PARD3: variants seen among roughly 807,000 people sequenced by gnomAD.
PARD3 encodes partitioning defective 3 homolog.
In PARD3, 75 loss-of-function variants were observed where a neutral mutation model predicts 155.4. The observed-to-expected ratio is 0.48, with a 90% confidence interval of 0.40 to 0.58. The LOEUF is 0.58. Among genes scored for constraint, PARD3 ranks in the 20% least tolerant of loss-of-function variants. The pLI, the probability that PARD3 is intolerant of heterozygous loss-of-function variation, is 0.00. For synonymous variants in PARD3, 576 were observed against 610.5 expected (o/e 0.94, Z 0.83); for missense variants, 1,642 against 1,721.7 (o/e 0.95, Z 0.82).
At chr10:34,489,060 G>A (rs2079688814) in intron 3 of PARD3, among the ~76,000 whole-genome samples, 1 of 152,306 alleles carries the variant, frequency 6.6e-6, no homozygotes, top group East Asian at 1.9e-4. Context: ...ATCTACAGCT[G>A]GGCGCAATGG....
chr10:34,810,189 G>A (rs752629493), intron 1 of PARD3, among the ~76,000 whole-genome samples: 3 of 151,970 alleles, frequency 2.0e-5, no homozygotes, highest in Non-Finnish European at 4.4e-5. Flanking sequence ...CGCCACACCT[G>A]GAAAATTCCA....
At chr10:34,210,318 T>G (rs1951682568) in intron 22 of PARD3, among the ~76,000 whole-genome samples, 2 of 152,196 alleles carry the variant, frequency 1.3e-5, no homozygotes, top group African/African-American at 4.8e-5. Flanking sequence ...TCAGTAAGCT[T>G]GTGGTTTAAT....
chr10:34,227,649 A>T (rs1365138065), intron 22 of PARD3, among the ~76,000 whole-genome samples: 2 of 151,918 alleles, frequency 1.3e-5, no homozygotes, highest in Admixed American at 1.3e-4. Context: ...TAAATAAATA[A>T]ATACATACAT....
chr10:34,684,510 C>T (rs2093907115), intron 2 of PARD3, among the ~76,000 whole-genome samples: 1 of 152,048 alleles, frequency 6.6e-6, no homozygotes, highest in Non-Finnish European at 1.5e-5. Context: ...TCGCAGCAGT[C>T]CCTACCTTGG....
At chr10:34,447,261 C>T (rs1343317713) in intron 5 of PARD3, among the ~76,000 whole-genome samples, 1 of 151,968 alleles carries the variant, frequency 6.6e-6, no homozygotes, top group Non-Finnish European at 1.5e-5. Context: ...AGGTGTATCA[C>T]TTGAGGTCAG....
At chr10:34,762,290 CAGAGAG>C (rs112792993) in intron 1 of PARD3, among the ~76,000 whole-genome samples, 5 of 145,478 alleles carry the variant, frequency 3.4e-5, no homozygotes, top group African/African-American at 1.0e-4. Context: ...GACAGAGAGA[CAGAGAG>C]AGAGAGAGAG....
intron 2 of PARD3, among the ~76,000 whole-genome samples, chr10:34,550,102 A>G (rs1462985394): frequency 6.6e-6 from 1 of 152,184 alleles, no homozygotes; most frequent in African/African-American, 2.4e-5. Context: ...CCACTGGTTG[A>G]TTCTTTCACA....
intron 14 of PARD3, among the ~76,000 whole-genome samples, chr10:34,355,753 C>G (rs1238225208): frequency 6.6e-6 from 1 of 151,508 alleles, no homozygotes; most frequent in African/African-American, 2.4e-5. Context: ...ATGGTGAAAC[C>G]CCATCTCTAC....
At chr10:34,505,109 A>G (rs1430370233) in intron 3 of PARD3, among the ~76,000 whole-genome samples, 1 of 152,208 alleles carries the variant, frequency 6.6e-6, no homozygotes, top group Non-Finnish European at 1.5e-5. Context: ...ACTTTCAGGC[A>G]ATTATTTTCT....
chr10:34,414,447 G>A (rs1039788042), intron 5 of PARD3, among the ~76,000 whole-genome samples: 10 of 152,058 alleles, frequency 6.6e-5, no homozygotes, highest in Non-Finnish European at 1.2e-4. Context: ...TGAGAAGTTG[G>A]AAAGGATCAG....
chr10:34,705,740 C>G (rs1346482155), intron 1 of PARD3, among the ~76,000 whole-genome samples: 1 of 152,158 alleles, frequency 6.6e-6, no homozygotes, highest in Non-Finnish European at 1.5e-5. Flanking sequence ...AAACCACACC[C>G]AATACCAATG....
chr10:34,212,013 G>A (rs1179176945), intron 22 of PARD3, among the ~76,000 whole-genome samples: 2 of 128,592 alleles, frequency 1.6e-5, no homozygotes, highest in African/African-American at 3.4e-5. Flanking sequence ...GAATCTCAGA[G>A]TGCTCAACTT....
Position 34,331,320 on chromosome 10 carries a change from G to C in PARD3, c.2630C>G (p.Pro877Arg), listed in dbSNP as rs1835592181. The C allele has an allele frequency of 6.2e-7, 1 of 1,613,452 alleles. No homozygotes were observed. Among genetic ancestry groups the C allele is most frequent in the South Asian group, 1.1e-5 (1 of 91,068 alleles). Residue 877 changes from proline (P) to arginine (R), a missense_variant, in exon 19 of 25, where the codon CCT becomes CGT. Physicochemically the swap from Pro to Arg is moderately radical, Grantham distance 103. Coordinates refer to ENST00000374788, the MANE Select transcript of PARD3 (RefSeq NM_001184785.2). ...KAGSPSRDVG[P>R]SLGLKKSSSL... ...GCTTGACTTCTTCAGACCCAGGGAA[G>C]GACCCACATCTCTGCTGGGAGAACC...
chr10:34,690,752 G>A (rs1026331453), intron 2 of PARD3, among the ~76,000 whole-genome samples: 6 of 152,150 alleles, frequency 3.9e-5, no homozygotes, highest in Non-Finnish European at 5.9e-5. Flanking sequence ...GAAAACCTGC[G>A]TCTGTAAAAG....
intron 2 of PARD3, among the ~76,000 whole-genome samples, chr10:34,555,105 G>A (rs1398025449): frequency 6.6e-6 from 1 of 152,174 alleles, no homozygotes; most frequent in African/African-American, 2.4e-5. Flanking sequence ...CCTCACGTCA[G>A]TTATGGACTC....
chr10:34,545,926 A>G (rs2133925663), intron 2 of PARD3, among the ~76,000 whole-genome samples: 1 of 152,324 alleles, frequency 6.6e-6, no homozygotes, highest in Non-Finnish European at 1.5e-5. Context: ...GAAAGGCAAA[A>G]CTAGGCACCA....
intron 20 of PARD3, among the ~76,000 whole-genome samples, chr10:34,295,322 A>T (rs1486569368): frequency 6.6e-6 from 1 of 152,176 alleles, no homozygotes; most frequent in East Asian, 1.9e-4. Context: ...GCAAATGTCA[A>T]ACCTCCACAT....
intron 20 of PARD3, among the ~76,000 whole-genome samples, chr10:34,291,914 C>T (rs1175320535): frequency 2.0e-5 from 3 of 152,276 alleles, no homozygotes; most frequent in Admixed American, 6.5e-5. Context: ...CTTGCATTGC[C>T]GGTGGAAATT....
chr10:34,582,719 TCTA>T (rs1486459327), intron 2 of PARD3, among the ~76,000 whole-genome samples: 11 of 152,222 alleles, frequency 7.2e-5, no homozygotes, highest in African/African-American at 2.2e-4. Flanking sequence ...CATCCACTGT[TCTA>T]GTCCTCCTTC....
Sources: allele counts gnomAD v4.1 joint callset (sites outside exome capture counted in the v4.1 genomes callset), GRCh38; gene constraint gnomAD v4.1.1; transcripts MANE v1.5; gene names NCBI Gene and HGNC (gene_info 2026-07-23, HGNC 2026-07-21).